CACNA2D3: variants seen among roughly 807,000 people sequenced by gnomAD.
The protein encoded by CACNA2D3 is calcium voltage-gated channel auxiliary subunit alpha2delta 3.
CACNA2D3 carries 60 observed loss-of-function variants against 160.6 expected under a neutral mutation model. The ratio of observed to expected loss-of-function variants is 0.37; its 90% CI spans 0.30 to 0.46. The LOEUF is 0.46. Ranked by LOEUF, CACNA2D3 falls within the 20% of genes least tolerant of loss-of-function variation. The pLI is 1.00. For synonymous variants in CACNA2D3, 558 were observed against 492.9 expected, an observed-to-expected ratio of 1.13 and a Z score of -1.75; for missense variants, 1,205 against 1,365.0, an observed-to-expected ratio of 0.88 and a Z score of 1.85.
intron 13 of CACNA2D3, among the ~76,000 whole-genome samples, chr3:54,796,113 C>G (rs1702861094): frequency 6.6e-6 from 1 of 152,150 alleles, no homozygotes; most frequent in African/African-American, 2.4e-5. Flanking sequence ...AAGCTCTTTG[C>G]TAGTCTACAA....
intron 9 of CACNA2D3, among the ~76,000 whole-genome samples, chr3:54,599,108 T>C (rs1575371813): frequency 6.6e-6 from 1 of 152,148 alleles, no homozygotes; most frequent in African/African-American, 2.4e-5. Flanking sequence ...GCCTTGGCTG[T>C]TATATTTATA....
At chr3:54,194,739 T>C (rs1486272358) in intron 2 of CACNA2D3, among the ~76,000 whole-genome samples, 2 of 152,232 alleles carry the variant, frequency 1.3e-5, no homozygotes. Context: ...TGTCCTCACA[T>C]GGTGGAAATG....
Position 54,787,659 on chromosome 3 carries a change from C to T in CACNA2D3, c.1380+23308C>T, listed in dbSNP as rs569550733. ...AATAAATTATGGAGAAGTGACAAGA[C>T]AAAGGAAAGGAGGTTTAGGCTTCTA... On this transcript the variant is annotated intron_variant, in intron 13 of 37. Transcript: ENST00000474759. Among the ~76,000 whole-genome samples, 358 of 152,174 alleles carry T rather than the reference C, an allele frequency of 2.4e-3. 3 individuals carry two copies. The highest frequency in any genetic ancestry group is 8.3e-3 in the African/African-American group (344 of 41,516).
chr3:55,020,714 G>A (rs899372783), intron 35 of CACNA2D3, among the ~76,000 whole-genome samples: 1 of 151,920 alleles, frequency 6.6e-6, no homozygotes, highest in Non-Finnish European at 1.5e-5. Flanking sequence ...AGCCAGGCAT[G>A]GTGGCGGGCA....
intron 21 of CACNA2D3, 128 bp downstream of exon 21, chr3:54,880,991 A>G (rs1699783067): frequency 1.3e-6 from 1 of 756,926 alleles, no homozygotes. Flanking sequence ...ATTCCACTCA[A>G]ACGAATGCCT....
In CACNA2D3 at chr3:54,883,978, A is replaced by G. The variant is rs954613088; in HGVS notation, c.1913-1303A>G. Among the ~76,000 whole-genome samples the G allele has an allele frequency of 3.2e-4, 49 of 152,088 alleles. 1 individual carries two copies. Among genetic ancestry groups the G allele is most frequent in the African/African-American group, 9.4e-4 (39 of 41,420 alleles). ...TTTTCTGCCACTAGAAATTAAATACAATGAAGGCAGTAATTTTCGTTTTGT... is the reference window on the plus strand; with the variant it reads ...TTTTCTGCCACTAGAAATTAAATACGATGAAGGCAGTAATTTTCGTTTTGT... On this transcript the variant is annotated intron_variant, in intron 21 of 37. Coordinates refer to ENST00000474759, the MANE Select transcript of CACNA2D3 (RefSeq NM_018398.3).
intron 5 of CACNA2D3, among the ~76,000 whole-genome samples, chr3:54,511,488 G>T (rs11711518): frequency 0.55 from 84,072 of 151,990 alleles, 24,413 homozygotes; most frequent in Non-Finnish European, 0.64. Flanking sequence ...TGTTGGTTCT[G>T]TCAACTCTTC....
At chr3:54,954,124 G>A (rs759297207) in intron 27 of CACNA2D3, among the ~76,000 whole-genome samples, 7 of 152,260 alleles carry the variant, frequency 4.6e-5, no homozygotes, top group Non-Finnish European at 1.0e-4. Flanking sequence ...AGAGAGAGGG[G>A]GTTATTTAAT....
intron 4 of CACNA2D3, among the ~76,000 whole-genome samples, chr3:54,485,010 C>G (rs1426695349): frequency 2.0e-5 from 3 of 152,076 alleles, no homozygotes; most frequent in Non-Finnish European, 4.4e-5. Context: ...CTACGCCTAG[C>G]TAATTTTTGT....
At chr3:54,798,602 A>G (rs1702919364) in intron 13 of CACNA2D3, among the ~76,000 whole-genome samples, 1 of 152,206 alleles carries the variant, frequency 6.6e-6, no homozygotes, top group Admixed American at 6.5e-5. Flanking sequence ...ATGTGTTTCT[A>G]TAATGTGAAT....
intron 35 of CACNA2D3, among the ~76,000 whole-genome samples, chr3:55,072,036 CAAGA>C (rs1252659901): frequency 1.3e-5 from 2 of 152,006 alleles, no homozygotes; most frequent in Non-Finnish European, 2.9e-5. Context: ...CTTGCATAGG[CAAGA>C]AAGAGTCTAG....
chr3:54,999,350 C>T (rs2107129669), intron 31 of CACNA2D3, among the ~76,000 whole-genome samples: 1 of 152,298 alleles, frequency 6.6e-6, no homozygotes, highest in East Asian at 1.9e-4. Flanking sequence ...TAAGAATTTC[C>T]TATGTTCCTC....
At chr3:54,444,720 TA>T (rs1456009526) in intron 4 of CACNA2D3, among the ~76,000 whole-genome samples, 1 of 152,212 alleles carries the variant, frequency 6.6e-6, no homozygotes, top group Non-Finnish European at 1.5e-5. Flanking sequence ...AGTTAATGGT[TA>T]GTCTGAATTT....
At chr3:54,667,126 T>G (rs1217892743) in intron 11 of CACNA2D3, among the ~76,000 whole-genome samples, 1 of 152,234 alleles carries the variant, frequency 6.6e-6, no homozygotes, top group Non-Finnish European at 1.5e-5. Flanking sequence ...CTCATCTATA[T>G]TCTGGCTGGC....
chr3:54,236,476 G>A (rs542332139), intron 2 of CACNA2D3, among the ~76,000 whole-genome samples: 1 of 152,158 alleles, frequency 6.6e-6, no homozygotes, highest in South Asian at 2.1e-4. Context: ...GAAGTTTATT[G>A]AAAAATACAT....
chr3:54,211,068 A>C (rs1701363086), intron 2 of CACNA2D3, among the ~76,000 whole-genome samples: 1 of 152,224 alleles, frequency 6.6e-6, no homozygotes, highest in Non-Finnish European at 1.5e-5. Context: ...CCCTTTGTCC[A>C]ATAATCACTC....
intron 35 of CACNA2D3, among the ~76,000 whole-genome samples, chr3:55,051,343 G>T (rs1389572710): frequency 4.6e-5 from 7 of 151,886 alleles, no homozygotes; most frequent in African/African-American, 1.7e-4. Context: ...TCAGCTGCAG[G>T]TCTGTTGGAA....
intron 2 of CACNA2D3, among the ~76,000 whole-genome samples, chr3:54,314,727 A>G (rs998791056): frequency 2.6e-5 from 4 of 152,176 alleles, no homozygotes; most frequent in African/African-American, 7.2e-5. Context: ...TTAGACAGCA[A>G]GCTTTCTTAA....
rs1361760407 is a variant in CACNA2D3, at chr3:54,350,990, T to TG, written c.321+30432_321+30433insG. Among the ~76,000 whole-genome samples the TG allele has an allele frequency of 1.8e-3, 218 of 119,914 alleles. 9 individuals carry two copies. The highest frequency in any genetic ancestry group is 0.011 in the South Asian group (38 of 3,488). 78.7% of individuals were successfully genotyped at this position (119,914 alleles called of 152,430 possible). A position where few individuals can be genotyped will look rare whatever the true frequency, so the allele number is the denominator to read the frequency against. ...TCTGTTTTTTTTTTTTTGTTTGTTT[T>TG]TTTTTTTTTTTTTTTTGAGACAGAG... On this transcript the variant is annotated intron_variant, in intron 3 of 37. Coordinates refer to ENST00000474759, the MANE Select transcript of CACNA2D3 (RefSeq NM_018398.3).
Sources: allele counts gnomAD v4.1 joint callset (sites outside exome capture counted in the v4.1 genomes callset), GRCh38; gene constraint gnomAD v4.1.1; transcripts MANE v1.5; gene names NCBI Gene and HGNC (gene_info 2026-07-23, HGNC 2026-07-21).